Variants in BIRC3 observed in about 807,000 individuals in gnomAD.
BIRC3 encodes baculoviral IAP repeat containing 3.
A neutral mutation model predicts 59.0 loss-of-function variants in BIRC3; 26 were observed. The ratio of observed to expected loss-of-function variants is 0.44; its 90% CI spans 0.32 to 0.61. The LOEUF (loss-of-function observed/expected upper bound fraction) is 0.61. BIRC3 is among the 20% of genes least tolerant of loss of function. The pLI, the probability that BIRC3 is intolerant of heterozygous loss-of-function variation, is 0.04. For synonymous variants in BIRC3, 243 were observed against 249.2 expected (o/e 0.98, Z 0.24); for missense variants, 641 against 711.5 (o/e 0.90, Z 1.13).
rs368961966 is a variant in BIRC3 at position 102,332,405 on chromosome 11, G to A, written c.1324+1164G>A. ...TTGATTTACAGCTGCAACTAGCTGT[G>A]ACCTCTCTTAGTGCCCCCGGGCTCA... On this transcript the variant is annotated intron_variant, in intron 6 of 8. Coordinates refer to ENST00000263464, the MANE Select transcript of BIRC3 (RefSeq NM_001165.5). Among the ~76,000 whole-genome samples, 29 of 152,248 alleles carry A rather than the reference G, an allele frequency of 1.9e-4. No individual in the cohort carries two copies. The South Asian group carries it at 6.0e-3, about 32-fold the overall frequency.
In BIRC3 at chr11:102,322,959, G is replaced by C. The variant is rs1267121012; in HGVS notation, c.-1551G>C. 2 of 201,582 alleles carry C rather than the reference G, an allele frequency of 9.9e-6. No homozygotes were observed. Among genetic ancestry groups the C allele is most frequent in the African/African-American group, 4.6e-5 (2 of 43,478 alleles). The allele number at this position is 201,582 out of a possible 1,614,324, so 12.5% of individuals were successfully genotyped here. On this transcript the variant is annotated 5_prime_UTR_variant, in exon 2 of 9. Coordinates refer to ENST00000263464, the MANE Select transcript of BIRC3 (RefSeq NM_001165.5). ...TATTTTTTTTGTCATGATAAATTCTGGTTCAAGGTATGCTATCCATGAAAT... is the reference window on the plus strand; with the variant it reads ...TATTTTTTTTGTCATGATAAATTCTCGTTCAAGGTATGCTATCCATGAAAT...
At position 102,337,852 on chromosome 11, in the gene BIRC3, C is replaced by CT. The variant is rs1951213067; in HGVS notation, c.*752dup. 2 of 230,146 alleles carry CT rather than the reference C, an allele frequency of 8.7e-6. No individual in the cohort carries two copies. The highest frequency in any genetic ancestry group is 1.7e-5 in the Non-Finnish European group (2 of 116,276). The allele number at this position is 230,146 out of a possible 1,614,324, so 14.3% of individuals were successfully genotyped here. The stretch of plus-strand genomic sequence containing the variant: ...AGTTTATACTCCTTCCCATAAGATG[C>CT]TTCTTCATTGACACTTGTAGAACAC... On this transcript the variant is annotated 3_prime_UTR_variant, in exon 9 of 9. Coordinates refer to ENST00000263464, the MANE Select transcript of BIRC3 (RefSeq NM_001165.5).
chr11:102,325,191 C>T lies in BIRC3; in HGVS notation c.682C>T (p.His228Tyr), dbSNP rs369162016. Reference protein sequence around the residue: ...KDNAMSEHLRHFPKCPFIENQ... With the variant: ...KDNAMSEHLRYFPKCPFIENQ... Reference sequence around the variant, plus strand: ...TAATGCTATGTCAGAACACCTGAGACATTTTCCCAAATGCCCATTTATAGA... The same window carrying T: ...TAATGCTATGTCAGAACACCTGAGATATTTTCCCAAATGCCCATTTATAGA... Residue 228 changes from histidine (H) to tyrosine (Y), a missense_variant, in exon 2 of 9, where the codon CAT becomes TAT. Physicochemically the swap from His to Tyr is moderately conservative, Grantham distance 83. Transcript: ENST00000263464. 1.2e-6 allele frequency: 2 copies of T among 1,614,104 alleles called. No homozygotes were observed. Among genetic ancestry groups the T allele is most frequent in the South Asian group, 1.1e-5 (1 of 91,078 alleles).
At position 102,338,176 on chromosome 11, in the gene BIRC3, G is replaced by T. The variant is rs1052199675; in HGVS notation, c.*1074G>T. ...GCATTATGTTATTGGTACTCAACAC[G>T]TCCGAGTCATAACTCTGTCCTTTGC... is the stretch of plus-strand genomic sequence containing the variant. On this transcript the variant is annotated 3_prime_UTR_variant, in exon 9 of 9. Transcript: ENST00000263464. 4 of 227,562 alleles carry T rather than the reference G, an allele frequency of 1.8e-5. No individual in the cohort carries two copies. The highest frequency in any genetic ancestry group is 3.5e-5 in the Non-Finnish European group (4 of 114,624). 14.1% of individuals were successfully genotyped at this position (227,562 alleles called of 1,614,324 possible). A position where few individuals can be genotyped will look rare whatever the true frequency, so the allele number is the denominator to read the frequency against.
Position 102,323,965 on chromosome 11 carries a change from G to A in BIRC3, c.-545G>A, listed in dbSNP as rs77049382. On this transcript the variant is annotated 5_prime_UTR_variant, in exon 2 of 9. Coordinates refer to ENST00000263464, the MANE Select transcript of BIRC3 (RefSeq NM_001165.5). ...GTAATGTATTATTTTCCTCCTTTGAGTTAGGTCTTGTGCTTTTTTTTCCTG... is the reference window on the plus strand; with the variant it reads ...GTAATGTATTATTTTCCTCCTTTGAATTAGGTCTTGTGCTTTTTTTTCCTG... The A allele has an allele frequency of 6.3e-5, 13 of 205,468 alleles. No homozygotes were observed. Among genetic ancestry groups the A allele is most frequent in the Non-Finnish European group, 1.2e-4 (12 of 100,670 alleles). 12.7% of individuals were successfully genotyped at this position (205,468 alleles called of 1,614,324 possible). A position where few individuals can be genotyped will look rare whatever the true frequency, so the allele number is the denominator to read the frequency against.
At chr11:102,329,020 G>T in intron 5 of BIRC3, 75 bp downstream of exon 5, 1 of 844,002 alleles carries the variant, frequency 1.2e-6, no homozygotes, top group Non-Finnish European at 1.8e-6. Flanking sequence ...GTTGATAATA[G>T]TAATGTACCT....
At chr11:102,330,860 C>A in intron 5 of BIRC3, 139 bp from the exon 6 acceptor site, 1 of 826,516 alleles carries the variant, frequency 1.2e-6, no homozygotes, top group Non-Finnish European at 1.8e-6. Context: ...AATGTTCATA[C>A]AAAATAATGC....
intron 4 of BIRC3, among the ~76,000 whole-genome samples, 183 bp downstream of exon 4, chr11:102,328,313 G>T (rs1281254904): frequency 6.6e-6 from 1 of 152,146 alleles, no homozygotes; most frequent in African/African-American, 2.4e-5. Flanking sequence ...TCCATAAATG[G>T]TAGTCTCCTG....
intron 7 of BIRC3, chr11:102,336,552 C>T: frequency 1.7e-6 from 1 of 593,740 alleles, no homozygotes; most frequent in Non-Finnish European, 2.9e-6. Context: ...TGTGATTGTG[C>T]CACTGCACTC....
chr11:102,335,487 C>T (rs768223020), intron 6 of BIRC3, among the ~76,000 whole-genome samples: 3 of 152,148 alleles, frequency 2.0e-5, no homozygotes, highest in Non-Finnish European at 2.9e-5. Context: ...CCTTCGGCAA[C>T]TTAATTGCCT....
intron 6 of BIRC3, among the ~76,000 whole-genome samples, chr11:102,334,650 A>T (rs1327638765): frequency 1.3e-5 from 2 of 152,212 alleles, no homozygotes; most frequent in African/African-American, 4.8e-5. Flanking sequence ...AAACAGCTTT[A>T]TGGATTATGG....
At chr11:102,336,461 T>G in intron 7 of BIRC3, 1 of 565,360 alleles carries the variant, frequency 1.8e-6, no homozygotes, top group South Asian at 2.4e-5. Context: ...TTTGTGATGG[T>G]GTATGCCTGG....
chr11:102,333,820 G>T (rs1951169845), intron 6 of BIRC3, among the ~76,000 whole-genome samples: 1 of 152,054 alleles, frequency 6.6e-6, no homozygotes, highest in Non-Finnish European at 1.5e-5. Context: ...TTTAATTCAG[G>T]CTGAATGTGG....
chr11:102,336,630 A>T, intron 7 of BIRC3, 130 bp from the exon 8 acceptor site: 1 of 867,408 alleles, frequency 1.2e-6, no homozygotes, highest in Non-Finnish European at 1.8e-6. Context: ...TTACATAAAA[A>T]GATTAAAGAC....
chr11:102,318,136 T>C (rs1950991954), intron 1 of BIRC3, among the ~76,000 whole-genome samples: 2 of 152,222 alleles, frequency 1.3e-5, no homozygotes, highest in African/African-American at 2.4e-5. Context: ...TATTATTTAT[T>C]GCTAACATTA....
rs1416751420 is a variant in BIRC3 at position 102,338,758 on chromosome 11, T to G, written c.*1656T>G. 4.4e-6 allele frequency: 1 copy of G among 227,816 alleles called. No homozygotes were observed. The highest frequency in any genetic ancestry group is 8.7e-6 in the Non-Finnish European group (1 of 114,786). 14.1% of individuals were successfully genotyped at this position (227,816 alleles called of 1,614,324 possible). ...CTTACATAGTTAGGTGAGGAAAGAT[T>G]AGAGTACTATCTTTAAGATGTAAGT... On this transcript the variant is annotated 3_prime_UTR_variant, in exon 9 of 9. Transcript: ENST00000263464.
intron 4 of BIRC3, 37 bp from the exon 5 acceptor site, chr11:102,328,860 A>T (rs769259727): frequency 3.9e-4 from 199 of 510,706 alleles, no homozygotes; most frequent in Middle Eastern, 7.7e-4. Flanking sequence ...ATTTTAATTT[A>T]TATATATATA....
At position 102,338,877 on chromosome 11, in the gene BIRC3, T is replaced by C; in HGVS notation, c.*1775T>C. ...GGCTTGCCTTCAGGGAGAATGAGGC[T>C]GAGACAGGAGGGCAGGATAACATCA... On this transcript the variant is annotated 3_prime_UTR_variant, in exon 9 of 9. Coordinates refer to ENST00000263464, the MANE Select transcript of BIRC3 (RefSeq NM_001165.5). 2 of 222,614 alleles carry C rather than the reference T, an allele frequency of 9.0e-6. No homozygotes were observed. The highest frequency in any genetic ancestry group is 9.0e-6 in the Non-Finnish European group (1 of 111,366). The allele number at this position is 222,614 out of a possible 1,614,324, so 13.8% of individuals were successfully genotyped here.
intron 6 of BIRC3, among the ~76,000 whole-genome samples, chr11:102,335,078 T>C (rs1180459283): frequency 6.6e-6 from 1 of 152,078 alleles, no homozygotes; most frequent in Non-Finnish European, 1.5e-5. Context: ...TCATCTCTAC[T>C]AAAACTACAA....
Sources: allele counts gnomAD v4.1 joint callset (sites outside exome capture counted in the v4.1 genomes callset), GRCh38; gene constraint gnomAD v4.1.1; transcripts MANE v1.5; gene names NCBI Gene and HGNC (gene_info 2026-07-23, HGNC 2026-07-21).